The following TSG101 variants were observed in gnomAD, a reference collection of about 807,000 sequenced individuals.
TSG101 encodes tumor susceptibility gene 101 protein.
In TSG101, 19 loss-of-function variants were observed where a neutral mutation model predicts 48.5. The ratio of observed to expected loss-of-function variants is 0.39; its 90% CI spans 0.27 to 0.58. The LOEUF is 0.58. TSG101 is among the 20% of genes least tolerant of loss of function. The probability of loss-of-function intolerance (pLI) is 0.55; values close to 1 mark genes in which losing one functional copy is unlikely to be tolerated. For missense variants in TSG101, 365 were observed against 484.4 expected, an observed-to-expected ratio of 0.75 and a Z score of 2.31; for synonymous variants, 174 against 169.4, an observed-to-expected ratio of 1.03 and a Z score of -0.21.
chr11:18,503,951 C>G (rs1343482517), intron 6 of TSG101, among the ~76,000 whole-genome samples: 1 of 152,024 alleles, frequency 6.6e-6, no homozygotes, highest in Non-Finnish European at 1.5e-5. Flanking sequence ...CACCTGTAAT[C>G]CTAGCACTTT....
At chr11:18,516,190 T>C (rs1191515993) in intron 2 of TSG101, 26 bp from the exon 3 acceptor site, 1 of 1,603,214 alleles carries the variant, frequency 6.2e-7, no homozygotes, top group South Asian at 1.1e-5. Context: ...AATGATTTAA[T>C]CATGAGCATT....
rs1357042788 is a variant in TSG101 at position 18,502,506 on chromosome 11, T to G, written c.620A>C (p.Gln207Pro). The G allele has an allele frequency of 1.9e-6, 3 of 1,613,170 alleles. No homozygotes were observed. In the East Asian group the frequency reaches 6.7e-5, roughly 36 times the overall value. Residue 207 changes from glutamine to proline, a missense_variant, in exon 7 of 10, where the codon CAG (glutamine) becomes CCG (proline). By Grantham distance (76) the Gln-to-Pro change is moderately conservative (BLOSUM62 -1). Transcript: ENST00000251968. Reference sequence around the variant, plus strand: ...CTTACCAACAGTGGTCACAGGAGGCTGAGAAGGGTACTGAGAACTTGTTGT... The same window carrying G: ...CTTACCAACAGTGGTCACAGGAGGCGGAGAAGGGTACTGAGAACTTGTTGT... ...PATTSSQYPS[Q>P]PPVTTVGPSR...
At chr11:18,484,488 A>G (rs2133902625) in intron 7 of TSG101, among the ~76,000 whole-genome samples, 1 of 152,360 alleles carries the variant, frequency 6.6e-6, no homozygotes, top group South Asian at 2.1e-4. Context: ...ACAAGTGCCC[A>G]CTGTAGAGGC....
At position 18,482,025 on chromosome 11, in the gene TSG101, G is replaced by A. The variant is rs138461059; in HGVS notation, c.844-156C>T. On this transcript the variant is annotated intron_variant, in intron 8 of 9. Coordinates refer to ENST00000251968, the MANE Select transcript of TSG101 (RefSeq NM_006292.4). ...AAATAACACCCTGGTCAAAGGTAGAGGAAAAGATGTGATCTACTATGCTGA... is the reference window on the plus strand; with the variant it reads ...AAATAACACCCTGGTCAAAGGTAGAAGAAAAGATGTGATCTACTATGCTGA... Among the ~76,000 whole-genome samples, 276 of 152,270 alleles carry A rather than the reference G, an allele frequency of 1.8e-3. 1 individual carries two copies. Among genetic ancestry groups the A allele is most frequent in the Non-Finnish European group, 3.3e-3 (224 of 68,028 alleles).
intron 7 of TSG101, among the ~76,000 whole-genome samples, chr11:18,493,589 T>C (rs928925529): frequency 6.6e-6 from 1 of 152,198 alleles, no homozygotes; most frequent in South Asian, 2.1e-4. Flanking sequence ...CAGGCCCACA[T>C]AATGGTCCTA....
intron 7 of TSG101, among the ~76,000 whole-genome samples, chr11:18,499,266 TATATATATTTATATATATC>T (rs1236960976): frequency 2.5e-5 from 3 of 119,076 alleles, no homozygotes; most frequent in Non-Finnish European, 5.4e-5. Context: ...ATATATATTT[TATATATATTTATATATATC>T]ATATATATTT....
chr11:18,495,370 A>G (rs2132302), intron 7 of TSG101, among the ~76,000 whole-genome samples: 51,061 of 152,142 alleles, frequency 0.34, 10,584 homozygotes, highest in Non-Finnish European at 0.47. Context: ...AACTACAATC[A>G]TCTATATAGC....
At chr11:18,520,902 G>A (rs1014396148) in intron 1 of TSG101, among the ~76,000 whole-genome samples, 18 of 151,876 alleles carry the variant, frequency 1.2e-4, no homozygotes, top group South Asian at 8.3e-4. Context: ...GTGGTGGTCC[G>A]CACCTATAAT....
intron 2 of TSG101, among the ~76,000 whole-genome samples, chr11:18,516,668 G>A (rs1332186902): frequency 6.6e-6 from 1 of 151,964 alleles, no homozygotes; most frequent in Non-Finnish European, 1.5e-5. Context: ...TCGGCCAGGC[G>A]CGGTGGTTCG....
At chr11:18,506,517 C>T (rs886862734) in intron 6 of TSG101, among the ~76,000 whole-genome samples, 3 of 151,814 alleles carry the variant, frequency 2.0e-5, no homozygotes, top group African/African-American at 7.3e-5. Flanking sequence ...ATGGTGAAAT[C>T]CTGTCTCTAC....
chr11:18,515,307 G>A (rs1031218101), intron 3 of TSG101, among the ~76,000 whole-genome samples: 1 of 152,060 alleles, frequency 6.6e-6, no homozygotes, highest in Non-Finnish European at 1.5e-5. Flanking sequence ...ATTCATCTTT[G>A]TAGCCACAGC....
intron 7 of TSG101, among the ~76,000 whole-genome samples, chr11:18,493,687 G>A (rs1849730640): frequency 1.3e-5 from 2 of 152,024 alleles, no homozygotes; most frequent in Non-Finnish European, 2.9e-5. Context: ...AAACTAGACC[G>A]AGAACATATG....
intron 7 of TSG101, among the ~76,000 whole-genome samples, chr11:18,495,001 C>T (rs1302086466): frequency 6.6e-6 from 1 of 152,146 alleles, no homozygotes; most frequent in African/African-American, 2.4e-5. Flanking sequence ...ACTACAGAAA[C>T]ACATCATTCA....
At chr11:18,505,775 T>C (rs1457498530) in intron 6 of TSG101, among the ~76,000 whole-genome samples, 1 of 152,222 alleles carries the variant, frequency 6.6e-6, no homozygotes, top group Non-Finnish European at 1.5e-5. Flanking sequence ...CCCCATTATC[T>C]GAACCATTAA....
chr11:18,481,935 C>A, intron 8 of TSG101, 66 bp from the exon 9 acceptor site: 2 of 1,574,000 alleles, frequency 1.3e-6, no homozygotes, highest in South Asian at 1.2e-5. Context: ...ACACCTACAA[C>A]ACTTCACAGG....
At chr11:18,513,942 G>C (rs2133928125) in intron 4 of TSG101, among the ~76,000 whole-genome samples, 1 of 152,216 alleles carries the variant, frequency 6.6e-6, no homozygotes, top group South Asian at 2.1e-4. Flanking sequence ...TTTTGTATTT[G>C]GTGGTGGGCG....
rs754511886 is a variant in TSG101 at position 18,484,133 on chromosome 11, C to A, written c.641-61G>T. 2.8e-5 allele frequency: 43 copies of A among 1,559,180 alleles called. No homozygotes were observed. In the Admixed American group the frequency reaches 4.8e-4, roughly 17 times the overall value. On this transcript the variant is annotated intron_variant, in intron 7 of 9. Transcript: ENST00000251968. Reference sequence around the variant, plus strand: ...TCCCAAGTTCCTTCTATTTGTCTCACAGGAACCTTCAGAAAAGGGGGCAAT... The same window carrying A: ...TCCCAAGTTCCTTCTATTTGTCTCAAAGGAACCTTCAGAAAAGGGGGCAAT...
intron 7 of TSG101, chr11:18,490,302 C>G: frequency 3.4e-6 from 2 of 580,770 alleles, no homozygotes; most frequent in Non-Finnish European, 3.4e-6. Flanking sequence ...TAACACTGTC[C>G]CAAGTAATTG....
At chr11:18,482,163 A>G (rs1443503785) in intron 8 of TSG101, among the ~76,000 whole-genome samples, 1 of 152,234 alleles carries the variant, frequency 6.6e-6, no homozygotes, top group Non-Finnish European at 1.5e-5. Flanking sequence ...ATCAGACAAG[A>G]TACTTTCCAG....
Sources: gnomAD v4.1 joint callset for allele counts (sites outside exome capture counted in the v4.1 genomes callset) on GRCh38, gnomAD v4.1.1 for gene constraint, MANE v1.5 for transcripts, NCBI Gene and HGNC (gene_info 2026-07-23, HGNC 2026-07-21) for gene names.